The following SNX5 variants were observed in gnomAD, a reference collection of about 807,000 sequenced individuals.
The protein encoded by SNX5 is sorting nexin 5, also known as sorting nexin-5.
In SNX5, 31 loss-of-function variants were observed where a neutral mutation model predicts 53.9. That is an observed-to-expected ratio of 0.58 (90% confidence interval 0.43 to 0.78). The LOEUF (loss-of-function observed/expected upper bound fraction) is 0.78, where lower values mean the gene tolerates loss of function less well. Ranked by LOEUF, SNX5 falls within the 30% of genes least tolerant of loss-of-function variation. SNX5 has a pLI of 0.00. For missense variants in SNX5, 471 were observed against 478.8 expected (o/e 0.98, Z 0.15); for synonymous variants, 168 against 171.1 (o/e 0.98, Z 0.14).
Position 17,968,511 on chromosome 20 carries a change from C to CG in SNX5, c.-87dup. ...CCGCCGCCGCCGCCTGGGCGCCTCT[C>CG]GGGGGCGGCCACGGCCCCGCCTCCG... On this transcript the variant is annotated 5_prime_UTR_variant, in exon 1 of 13. Transcript: ENST00000377759. The CG allele has an allele frequency of 1.9e-6, 2 of 1,077,930 alleles. No homozygotes were observed. The highest frequency in any genetic ancestry group is 2.4e-6 in the Non-Finnish European group (2 of 849,928). 66.8% of individuals were successfully genotyped at this position (1,077,930 alleles called of 1,614,324 possible).
At position 17,942,325 on chromosome 20, in the gene SNX5, C is replaced by T; in HGVS notation, c.*32G>A. On this transcript the variant is annotated 3_prime_UTR_variant, in exon 13 of 13. Transcript: ENST00000377759. ...GCAAGTGATGCTTGGCTTTCTTTCA[C>T]ATTCATTTCTTTTCTTCTGAGTGAA... 8 of 1,450,944 alleles carry T rather than the reference C, an allele frequency of 5.5e-6. No individual in the cohort carries two copies. The highest frequency in any genetic ancestry group is 7.8e-6 in the Non-Finnish European group (8 of 1,031,724). The allele number at this position is 1,450,944 out of a possible 1,614,324, so 89.9% of individuals were successfully genotyped here.
intron 1 of SNX5, 104 bp from the exon 2 acceptor site, chr20:17,957,141 G>A: frequency 2.7e-6 from 2 of 744,868 alleles, no homozygotes; most frequent in South Asian, 1.5e-5. Context: ...AGATCATTTA[G>A]AAATGTCAGT....
Position 17,950,181 on chromosome 20 carries a change from C to A in SNX5, c.742G>T (p.Ala248Ser), listed in dbSNP as rs756281625. 8 of 1,614,110 alleles carry A rather than the reference C, an allele frequency of 5.0e-6. No individual in the cohort carries two copies. The highest frequency in any genetic ancestry group is 6.8e-6 in the Non-Finnish European group (8 of 1,179,998). Reference sequence around the variant, plus strand: ...AAAGCCAGGCTATGTAAGCAGGCTGCGGTGTGGATATAGTCATCGGCAACA... The same window carrying A: ...AAAGCCAGGCTATGTAAGCAGGCTGAGGTGTGGATATAGTCATCGGCAACA... ...KNVADDYIHT[A>S]ACLHSLALEE... Residue 248 changes from alanine (A) to serine (S), a missense_variant, in exon 8 of 13, where the codon GCA becomes TCA. Transcript: ENST00000377759.
chr20:17,964,157 AC>A (rs2035500564), intron 1 of SNX5, among the ~76,000 whole-genome samples: 2 of 152,170 alleles, frequency 1.3e-5, no homozygotes, highest in African/African-American at 4.8e-5. Context: ...ACATTTTATC[AC>A]CCACCAGCTA....
chr20:17,961,617 A>C, intron 1 of SNX5: 2 of 984,296 alleles, frequency 2.0e-6, no homozygotes, highest in Non-Finnish European at 2.4e-6. Context: ...AGATAGGATA[A>C]AAAAGACACA....
rs11542902 is a variant in SNX5 at position 17,948,937 on chromosome 20, G to C, written c.871C>G (p.Leu291Val). The C allele has an allele frequency of 2.0e-5, 33 of 1,612,246 alleles. No homozygotes were observed. In the South Asian group the frequency reaches 2.4e-4, roughly 12 times the overall value. The change falls in exon 10 of 13, where the codon CTA becomes GTA. Residue 291 changes from leucine to valine, a missense_variant. Coordinates refer to ENST00000377759, the MANE Select transcript of SNX5 (RefSeq NM_014426.4). Reference protein sequence around the residue: ...GRVSSDEDLKLTELLRYYMLN... With the variant: ...GRVSSDEDLKVTELLRYYMLN... ...ATGTAGTATCGGAGGAGCTCTGTTA[G>C]CTTCAAATCTTCATCTGATGAAACT... is the stretch of plus-strand genomic sequence containing the variant.
At chr20:17,945,549 A>G (rs2039476307) in intron 11 of SNX5, 2 of 152,102 alleles carry the variant, frequency 1.3e-5, no homozygotes. Flanking sequence ...TTCCAGAGCC[A>G]TGAAACTGGC....
intron 2 of SNX5, among the ~76,000 whole-genome samples, chr20:17,956,632 G>A (rs1292856850): frequency 7.6e-6 from 1 of 131,868 alleles, no homozygotes; most frequent in Non-Finnish European, 1.5e-5. Context: ...CCAAGATGGT[G>A]CCACTTCATT....
intron 11 of SNX5, chr20:17,947,235 C>G: frequency 2.3e-6 from 1 of 431,670 alleles, no homozygotes; most frequent in South Asian, 3.2e-5. Context: ...TAAACCACAA[C>G]GTTTTTAGGG....
intron 10 of SNX5, among the ~76,000 whole-genome samples, chr20:17,948,476 A>G (rs998422342): frequency 1.3e-5 from 2 of 152,256 alleles, no homozygotes; most frequent in Non-Finnish European, 2.9e-5. Flanking sequence ...CATTTCACAT[A>G]AAATTAAAAC....
Position 17,955,376 on chromosome 20 carries a change from C to A in SNX5, c.256G>T (p.Ala86Ser). The change falls in exon 3 of 13, where the codon GCT becomes TCT. Residue 86 changes from alanine to serine, a missense_variant. By Grantham distance (99) the Ala-to-Ser change is moderately conservative. Transcript: ENST00000377759. ...HDTLIETTDY[A>S]GLIIPPAPTK... ...TCTAAAAGACTCACAATAAGCCCAG[C>A]ATAGTCTGTTGTTTCAATAAGAGTG... is the stretch of plus-strand genomic sequence containing the variant. 6.2e-7 allele frequency: 1 copy of A among 1,611,390 alleles called. No homozygotes were observed. Among genetic ancestry groups the A allele is most frequent in the Non-Finnish European group, 8.5e-7 (1 of 1,177,568 alleles).
chr20:17,961,369 C>T (rs2035445335), intron 1 of SNX5: 1 of 985,284 alleles, frequency 1.0e-6, no homozygotes, highest in Non-Finnish European at 1.2e-6. Context: ...CAGAACCCAC[C>T]AGGAGAACAG....
intron 3 of SNX5, 30 bp downstream of exon 3, chr20:17,955,335 C>G: frequency 6.6e-7 from 1 of 1,509,762 alleles, no homozygotes; most frequent in Non-Finnish European, 9.2e-7. Context: ...GCAGAAAGAA[C>G]TAGCTTATTT....
At chr20:17,954,188 A>T (rs754475991) in intron 3 of SNX5, 71 bp from the exon 4 acceptor site, 1 of 1,586,362 alleles carries the variant, frequency 6.3e-7, no homozygotes, top group Non-Finnish European at 8.6e-7. Context: ...GCCTCATTCT[A>T]CTCTTGCTGG....
intron 2 of SNX5, among the ~76,000 whole-genome samples, chr20:17,955,953 A>T (rs2035345943): frequency 6.6e-6 from 1 of 152,028 alleles, no homozygotes; most frequent in African/African-American, 2.4e-5. Flanking sequence ...GTGCTACCAC[A>T]TCCGGCTAAT....
At chr20:17,960,746 C>T (rs1260954958) in intron 1 of SNX5, among the ~76,000 whole-genome samples, 1 of 146,264 alleles carries the variant, frequency 6.8e-6, no homozygotes, top group African/African-American at 2.5e-5. Context: ...CACTGCACTT[C>T]AGCCTGGGCA....
chr20:17,946,117 G>GA (rs1195505766), intron 11 of SNX5, among the ~76,000 whole-genome samples: 2 of 152,196 alleles, frequency 1.3e-5, no homozygotes, highest in African/African-American at 4.8e-5. Flanking sequence ...TAGAAATGGT[G>GA]AAAGTCCTCT....
Position 17,968,702 on chromosome 20 carries a change from T to G in SNX5, c.-277A>C. ...CAAAGACGCCACGTGGGGCCTACCC[T>G]TGCTCCGCTCCACGAGGAGGCCGCC... On this transcript the variant is annotated 5_prime_UTR_variant, in exon 1 of 13. Coordinates refer to ENST00000377759, the MANE Select transcript of SNX5 (RefSeq NM_014426.4). The G allele has an allele frequency of 6.2e-6, 3 of 486,400 alleles. No individual in the cohort carries two copies. Among genetic ancestry groups the G allele is most frequent in the Non-Finnish European group, 7.5e-6 (2 of 265,682 alleles). 30.1% of individuals were successfully genotyped at this position (486,400 alleles called of 1,614,324 possible).
chr20:17,948,723 T>C (rs2039521708), intron 10 of SNX5, among the ~76,000 whole-genome samples, 167 bp downstream of exon 10: 1 of 152,186 alleles, frequency 6.6e-6, no homozygotes, highest in Non-Finnish European at 1.5e-5. Context: ...ACACAACCCA[T>C]ACAGTGCTGT....
Sources: allele counts gnomAD v4.1 joint callset (sites outside exome capture counted in the v4.1 genomes callset), GRCh38; gene constraint gnomAD v4.1.1; transcripts MANE v1.5; gene names NCBI Gene and HGNC (gene_info 2026-07-23, HGNC 2026-07-21).